ATP8A2: variants seen among roughly 807,000 people sequenced by gnomAD.
The protein encoded by ATP8A2 is ATPase phospholipid transporting 8A2, also known as phospholipid-transporting ATPase IB.
Under a neutral mutation model 165.6 loss-of-function variants are expected in ATP8A2, and 100 were observed. The observed-to-expected ratio is 0.60, with a 90% CI of 0.51 to 0.71. The LOEUF is 0.71. Among genes scored for constraint, ATP8A2 ranks in the 30% least tolerant of loss-of-function variants. The pLI is 0.00. For synonymous variants in ATP8A2, 543 were observed against 548.8 expected, an observed-to-expected ratio of 0.99 and a Z score of 0.15; for missense variants, 1,227 against 1,479.5, an observed-to-expected ratio of 0.83 and a Z score of 2.80.
chr13:25,860,247 T>C lies in ATP8A2; in HGVS notation c.3009T>C (p.Ile1003=). The C allele has an allele frequency of 6.2e-7, 1 of 1,609,068 alleles. No homozygotes were observed. Among genetic ancestry groups the C allele is most frequent in the Non-Finnish European group, 8.5e-7 (1 of 1,175,784 alleles). Residue 1003 remains isoleucine (I), a synonymous_variant, in exon 31 of 37, where the codon ATT becomes ATC. Transcript: ENST00000381655. Reference sequence around the variant, plus strand: ...CCGACTATTTATTTGTTGGAAATATTGTTTACACAGTAAGTTTATCTCTGT... The same window carrying C: ...CCGACTATTTATTTGTTGGAAATATCGTTTACACAGTAAGTTTATCTCTGT... ...HATDYLFVGN[I]VYTYVVVTVC...
intron 33 of ATP8A2, among the ~76,000 whole-genome samples, chr13:25,904,842 T>C (rs925604542): frequency 2.6e-5 from 4 of 152,250 alleles, no homozygotes; most frequent in African/African-American, 9.6e-5. Context: ...TCCTCAACAT[T>C]CAGCGAATAA....
rs146210880 is a variant in ATP8A2, at chr13:25,731,126, AAG to A, written c.2384+31797_2384+31798del. On this transcript the variant is annotated intron_variant, in intron 25 of 36. Coordinates refer to ENST00000381655, the MANE Select transcript of ATP8A2 (RefSeq NM_016529.6). ...AGAGAGAGAGGGAAAGGGAAAAGAA[AAG>A]AGAGAGAGAGAGAGAAATAAAAGAA... 3.0e-3 allele frequency among the ~76,000 whole-genome samples: 353 copies of A among 117,674 alleles called. 10 individuals carry two copies. Among genetic ancestry groups the A allele is most frequent in the African/African-American group, 0.01 (305 of 29,878 alleles). The allele number at this position is 117,674 out of a possible 152,430, so 77.2% of individuals were successfully genotyped here.
intron 25 of ATP8A2, among the ~76,000 whole-genome samples, chr13:25,721,285 G>A (rs2043376129): frequency 6.6e-6 from 1 of 151,622 alleles, no homozygotes; most frequent in African/African-American, 2.4e-5. Flanking sequence ...GTACAGTTCA[G>A]TGGTTTTTAA....
chr13:25,493,990 G>T (rs1299558567), intron 2 of ATP8A2, among the ~76,000 whole-genome samples: 3 of 152,130 alleles, frequency 2.0e-5, no homozygotes, highest in Non-Finnish European at 4.4e-5. Flanking sequence ...TGGGTGTCAA[G>T]GTGAATCACG....
chr13:25,554,899 A>G (rs781427604), intron 12 of ATP8A2, 92 bp from the exon 13 acceptor site: 3 of 830,064 alleles, frequency 3.6e-6, no homozygotes, highest in Non-Finnish European at 5.8e-6. Context: ...GTTTTAGATT[A>G]CCCATTCTTA....
At chr13:25,793,634 A>G (rs2045240540) in intron 27 of ATP8A2, among the ~76,000 whole-genome samples, 1 of 147,742 alleles carries the variant, frequency 6.8e-6, no homozygotes. Context: ...TACATGTACT[A>G]TCAGGCTTTC....
rs115586874 is a variant in ATP8A2, at chr13:25,819,658, T to G, written c.2680-8460T>G. Reference sequence around the variant, plus strand: ...ACTAAAGAACTTCAGGGTTTTTTGTTTTTTTTTTTGTCTGTGCTTTCTATT... The same window carrying G: ...ACTAAAGAACTTCAGGGTTTTTTGTGTTTTTTTTTGTCTGTGCTTTCTATT... On this transcript the variant is annotated intron_variant, in intron 27 of 36. Coordinates refer to ENST00000381655, the MANE Select transcript of ATP8A2 (RefSeq NM_016529.6). Among the ~76,000 whole-genome samples, 902 of 100,410 alleles carry G rather than the reference T, an allele frequency of 9.0e-3. 12 individuals carry two copies. Among genetic ancestry groups the G allele is most frequent in the African/African-American group, 0.028 (833 of 29,562 alleles). The allele number at this position is 100,410 out of a possible 152,430, so 65.9% of individuals were successfully genotyped here.
At chr13:25,709,940 C>A (rs2137972223) in intron 25 of ATP8A2, among the ~76,000 whole-genome samples, 1 of 152,144 alleles carries the variant, frequency 6.6e-6, no homozygotes, top group African/African-American at 2.4e-5. Flanking sequence ...TTTCTGTGGT[C>A]ATATTTGTGT....
chr13:25,501,051 C>T (rs2036839635), intron 2 of ATP8A2, among the ~76,000 whole-genome samples: 1 of 152,102 alleles, frequency 6.6e-6, no homozygotes, highest in Non-Finnish European at 1.5e-5. Context: ...ACATACTTGA[C>T]TCCTACTCGA....
chr13:25,640,040 GT>G (rs1342940622), intron 24 of ATP8A2, among the ~76,000 whole-genome samples: 1 of 152,172 alleles, frequency 6.6e-6, no homozygotes, highest in Non-Finnish European at 1.5e-5. Flanking sequence ...AAATAAAGAT[GT>G]TCTTTGAAAC....
intron 30 of ATP8A2, among the ~76,000 whole-genome samples, chr13:25,842,176 G>A (rs79398939): frequency 6.6e-6 from 1 of 152,192 alleles, no homozygotes; most frequent in Non-Finnish European, 1.5e-5. Context: ...AGGACTGAGA[G>A]ATGCCTTTCA....
chr13:25,679,706 A>G (rs1237123592), intron 24 of ATP8A2, among the ~76,000 whole-genome samples: 7 of 152,192 alleles, frequency 4.6e-5, no homozygotes, highest in Admixed American at 2.6e-4. Context: ...GTGCCCTAAA[A>G]CAAAGGTGGT....
intron 1 of ATP8A2, among the ~76,000 whole-genome samples, chr13:25,450,052 C>T (rs1347363279): frequency 1.3e-5 from 2 of 152,136 alleles, no homozygotes; most frequent in African/African-American, 2.4e-5. Context: ...CATTTAGCTC[C>T]CACTTATAAG....
intron 33 of ATP8A2, among the ~76,000 whole-genome samples, chr13:25,880,563 A>T (rs1484916866): frequency 6.6e-6 from 1 of 152,186 alleles, no homozygotes; most frequent in Non-Finnish European, 1.5e-5. Flanking sequence ...TTGTTTTTGC[A>T]GCAGAATTTA....
At chr13:25,966,704 T>C (rs965035440) in intron 34 of ATP8A2, among the ~76,000 whole-genome samples, 1 of 152,200 alleles carries the variant, frequency 6.6e-6, no homozygotes, top group African/African-American at 2.4e-5. Context: ...CTGGGAGCAC[T>C]GACATGCTCA....
chr13:25,978,558 C>T (rs1956110776), intron 35 of ATP8A2, among the ~76,000 whole-genome samples: 1 of 152,174 alleles, frequency 6.6e-6, no homozygotes, highest in African/African-American at 2.4e-5. Flanking sequence ...CTCCCAGGCC[C>T]CCCAGCATTC....
chr13:25,505,769 A>G (rs1046377701), intron 2 of ATP8A2, among the ~76,000 whole-genome samples: 1 of 152,238 alleles, frequency 6.6e-6, no homozygotes, highest in Non-Finnish European at 1.5e-5. Context: ...TATATACAAT[A>G]TATGCTATAT....
chr13:25,995,223 T>C (rs1043281159), intron 35 of ATP8A2, among the ~76,000 whole-genome samples: 1 of 151,896 alleles, frequency 6.6e-6, no homozygotes, highest in Non-Finnish European at 1.5e-5. Flanking sequence ...TTTTTTTCTT[T>C]GTAAGTATTG....
intron 27 of ATP8A2, among the ~76,000 whole-genome samples, chr13:25,811,447 T>A (rs1950865614): frequency 6.6e-6 from 1 of 152,226 alleles, no homozygotes. Context: ...GTGTGTGTTA[T>A]GTGTATGTAT....
Sources: allele counts gnomAD v4.1 joint callset (sites outside exome capture counted in the v4.1 genomes callset), GRCh38; gene constraint gnomAD v4.1.1; transcripts MANE v1.5; gene names NCBI Gene and HGNC (gene_info 2026-07-23, HGNC 2026-07-21).